The following DHODH variants were observed in gnomAD, a reference collection of about 807,000 sequenced individuals.
The protein encoded by DHODH is dihydroorotate dehydrogenase (quinone), mitochondrial.
DHODH carries 30 observed loss-of-function variants against 39.7 expected under a neutral mutation model. The observed-to-expected ratio is 0.76, with a 90% confidence interval of 0.57 to 1.02. The LOEUF (loss-of-function observed/expected upper bound fraction) is 1.02, where lower values mean the gene tolerates loss of function less well. Among genes scored for constraint, DHODH ranks in the 50% least tolerant of loss-of-function variants. DHODH has a pLI of 0.00. For missense variants in DHODH, 531 were observed against 520.8 expected (o/e 1.02, Z -0.19); for synonymous variants, 222 against 213.8 (o/e 1.04, Z -0.34).
At chr16:72,013,063 T>C (rs1329495864) in intron 2 of DHODH, among the ~76,000 whole-genome samples, 2 of 152,230 alleles carry the variant, frequency 1.3e-5, no homozygotes, top group Admixed American at 1.3e-4. Flanking sequence ...ATGATGAGTG[T>C]GAAAATGCAA....
At chr16:72,020,351 ATATGTGTATATATATATATATTT>A (rs1170921697) in intron 4 of DHODH, 5 of 117,540 alleles carry the variant, frequency 4.3e-5, no homozygotes, top group African/African-American at 1.9e-4. Context: ...ATATATATAT[ATATGTGTATATATATATATATTT>A]TTTTTTTTTT....
At chr16:72,020,780 TTC>T (rs1341151604) in intron 4 of DHODH, among the ~76,000 whole-genome samples, 1 of 152,046 alleles carries the variant, frequency 6.6e-6, no homozygotes, top group Non-Finnish European at 1.5e-5. Flanking sequence ...GCCTACTGAG[TTC>T]TCTCTGTTCT....
Position 72,023,549 on chromosome 16 carries a change from C to T in DHODH, c.1049C>T (p.Ser350Phe). The change falls in exon 8 of 9, where the codon TCC becomes TTC. Residue 350 changes from serine to phenylalanine, a missense_variant. By Grantham distance (155) the Ser-to-Phe change is radical. Coordinates refer to ENST00000219240, the MANE Select transcript of DHODH (RefSeq NM_001361.5). ...DALEKIRAGA[S>F]LVQLYTALTF... ...CTGGAGAAGATCCGGGCAGGGGCCT[C>T]CCTGGTGCAGCTGTACACGGCCCTC... The T allele has an allele frequency of 1.9e-6, 3 of 1,614,092 alleles. No individual in the cohort carries two copies. Among genetic ancestry groups the T allele is most frequent in the Non-Finnish European group, 1.7e-6 (2 of 1,180,040 alleles).
At position 72,024,525 on chromosome 16, in the gene DHODH, C is replaced by T. The variant is rs972759513; in HGVS notation, c.*326C>T. On this transcript the variant is annotated 3_prime_UTR_variant, in exon 9 of 9. Coordinates refer to ENST00000219240, the MANE Select transcript of DHODH (RefSeq NM_001361.5). ...ACCTGGGTTTCAACGCTAGCCCTTTCTGGTTTGCCATAGGCCCTGCCAAGA... is the reference window on the plus strand; with the variant it reads ...ACCTGGGTTTCAACGCTAGCCCTTTTTGGTTTGCCATAGGCCCTGCCAAGA... 1.2e-5 allele frequency: 5 copies of T among 416,944 alleles called. No homozygotes were observed. The highest frequency in any genetic ancestry group is 1.0e-4 in the African/African-American group (5 of 49,300). 25.8% of individuals were successfully genotyped at this position (416,944 alleles called of 1,614,324 possible).
chr16:72,018,513 C>T (rs1454748654), intron 4 of DHODH, among the ~76,000 whole-genome samples: 2 of 152,182 alleles, frequency 1.3e-5, no homozygotes, highest in African/African-American at 2.4e-5. Flanking sequence ...GATGCTTGCC[C>T]GCCTTCGTGC....
At chr16:72,016,803 T>C in intron 3 of DHODH, 1 of 520,016 alleles carries the variant, frequency 1.9e-6, no homozygotes, top group Non-Finnish European at 3.6e-6. Context: ...CTGGGCTGTT[T>C]CCAGTGCTAG....
Position 72,017,120 on chromosome 16 carries a change from G to T in DHODH, c.517+14G>T. On this transcript the variant is annotated intron_variant, in intron 4 of 8. Coordinates refer to ENST00000219240, the MANE Select transcript of DHODH (RefSeq NM_001361.5). ...AGCTCACAGAAGGTAAAGTGGGGTTGTGTCAGTGGGCCTTTCTTATTTATT... is the reference window on the plus strand; with the variant it reads ...AGCTCACAGAAGGTAAAGTGGGGTTTTGTCAGTGGGCCTTTCTTATTTATT... The T allele has an allele frequency of 6.2e-7, 1 of 1,612,670 alleles. No individual in the cohort carries two copies. Among genetic ancestry groups the T allele is most frequent in the South Asian group, 1.1e-5 (1 of 91,056 alleles).
At chr16:72,009,504 C>T (rs1359876660) in intron 1 of DHODH, among the ~76,000 whole-genome samples, 1 of 66,544 alleles carries the variant, frequency 1.5e-5, no homozygotes, top group African/African-American at 7.2e-5. Context: ...AGCGAGACTC[C>T]GTCTCAAAAA....
chr16:72,015,805 G>A (rs1004534889), intron 3 of DHODH: 1 of 985,468 alleles, frequency 1.0e-6, no homozygotes, highest in Non-Finnish European at 1.2e-6. Flanking sequence ...GAGCAGGGGT[G>A]TGAGATCCTG....
intron 3 of DHODH, chr16:72,016,516 C>T (rs538762028): frequency 8.4e-5 from 19 of 227,116 alleles, no homozygotes; most frequent in Non-Finnish European, 1.7e-4. Context: ...CTATCCCAAG[C>T]CAGGAGAAAG....
Position 72,022,429 on chromosome 16 carries a change from AC to A in DHODH, c.775del (p.Leu259SerfsTer21). ...RPAVLVKIAP[D>X]LTSQDKEDIA... ...GCAGTCCTGGTGAAGATCGCTCCTGACCTCACCAGCCAGGATAAGGAGGACA... is the reference window on the plus strand; with the variant it reads ...GCAGTCCTGGTGAAGATCGCTCCTGACTCACCAGCCAGGATAAGGAGGACA... On this transcript the variant is annotated frameshift_variant, in exon 6 of 9. Transcript: ENST00000219240. LOFTEE classifies it high-confidence loss of function. 6.4e-7 allele frequency: 1 copy of A among 1,557,376 alleles called. No individual in the cohort carries two copies. Among genetic ancestry groups the A allele is most frequent in the Non-Finnish European group, 8.7e-7 (1 of 1,150,316 alleles).
chr16:72,017,770 C>CTT (rs71153696), intron 4 of DHODH, among the ~76,000 whole-genome samples: 18 of 103,802 alleles, frequency 1.7e-4, no homozygotes, highest in Admixed American at 4.1e-4. Context: ...AAACAACATG[C>CTT]TTTTTTTTTT....
chr16:72,017,167 G>C, intron 4 of DHODH, 61 bp downstream of exon 4: 1 of 1,532,910 alleles, frequency 6.5e-7, no homozygotes, highest in Admixed American at 1.7e-5. Context: ...TGGGAGAAAT[G>C]CTGGGAACAT....
intron 4 of DHODH, chr16:72,020,463 A>G (rs1262291051): frequency 6.7e-6 from 1 of 149,952 alleles, no homozygotes; most frequent in East Asian, 2.0e-4. Context: ...TGGAGCCTCA[A>G]TCCTACTTCA....
chr16:72,015,071 C>G (rs2041127615), intron 3 of DHODH, among the ~76,000 whole-genome samples: 1 of 152,170 alleles, frequency 6.6e-6, no homozygotes, highest in Non-Finnish European at 1.5e-5. Flanking sequence ...TTAAAGTACT[C>G]TAGTGACCAC....
chr16:72,009,066 G>C (rs2041052314), intron 1 of DHODH: 1 of 1,388,486 alleles, frequency 7.2e-7, no homozygotes. Context: ...GGGGTGCTTA[G>C]TGAACACATG....
At position 72,025,310 on chromosome 16, in the gene DHODH, G is replaced by C. The variant is rs978712597; in HGVS notation, c.*1111G>C. ...CATACACTCAGACATACATGTGGCT[G>C]TATTTTTTGTATACCGATTTCTGGA... On this transcript the variant is annotated 3_prime_UTR_variant, in exon 9 of 9. Transcript: ENST00000219240. 1 of 152,176 alleles carries C rather than the reference G, an allele frequency of 6.6e-6. No individual in the cohort carries two copies. The highest frequency in any genetic ancestry group is 2.4e-5 in the African/African-American group (1 of 41,426). The allele number at this position is 152,176 out of a possible 1,614,324, so 9.4% of individuals were successfully genotyped here. A position where few individuals can be genotyped will look rare whatever the true frequency, so the allele number is the denominator to read the frequency against.
chr16:72,013,852 C>G (rs8046916), intron 2 of DHODH: 145,657 of 156,460 alleles, frequency 0.93, 67,872 homozygotes, highest in East Asian at 0.98. Context: ...AGGATCCGAC[C>G]GTGTTCACCC....
At chr16:72,009,006 G>T (rs2041051704) in intron 1 of DHODH, 1 of 1,448,872 alleles carries the variant, frequency 6.9e-7, no homozygotes, top group South Asian at 1.4e-5. Context: ...GGTCTGGGTG[G>T]GTGCTGATCT....
Sources: gnomAD v4.1 joint callset for allele counts (sites outside exome capture counted in the v4.1 genomes callset) on GRCh38, gnomAD v4.1.1 for gene constraint, MANE v1.5 for transcripts, NCBI Gene and HGNC (gene_info 2026-07-23, HGNC 2026-07-21) for gene names.